Variants in LPGAT1 observed in about 807,000 individuals in gnomAD.
LPGAT1 encodes the protein lysophosphatidylglycerol acyltransferase 1.
A neutral mutation model predicts 47.5 loss-of-function variants in LPGAT1; 11 were observed. The observed-to-expected ratio is 0.23, with a 90% confidence interval of 0.15 to 0.38. The LOEUF (loss-of-function observed/expected upper bound fraction) is 0.38, where lower values mean the gene tolerates loss of function less well. LPGAT1 is among the 10% of genes least tolerant of loss of function. The pLI is 1.00. For synonymous variants in LPGAT1, 138 were observed against 144.2 expected, an observed-to-expected ratio of 0.96 and a Z score of 0.31; for missense variants, 293 against 439.0, an observed-to-expected ratio of 0.67 and a Z score of 2.97.
At chr1:211,756,542 C>T (rs1452568868) in intron 6 of LPGAT1, among the ~76,000 whole-genome samples, 1 of 152,128 alleles carries the variant, frequency 6.6e-6, no homozygotes, top group Non-Finnish European at 1.5e-5. Flanking sequence ...CCATATTGCC[C>T]AGGCTGGTCT....
At chr1:211,787,993 T>C (rs1348300819) in intron 3 of LPGAT1, among the ~76,000 whole-genome samples, 3 of 152,224 alleles carry the variant, frequency 2.0e-5, no homozygotes, top group Non-Finnish European at 4.4e-5. Flanking sequence ...ACTTCTTAAA[T>C]TTGGACTTAA....
intron 2 of LPGAT1, among the ~76,000 whole-genome samples, chr1:211,818,834 T>C (rs1660267016): frequency 6.6e-6 from 1 of 152,180 alleles, no homozygotes; most frequent in South Asian, 2.1e-4. Flanking sequence ...CAAATGGAAA[T>C]AGAGTGGATG....
chr1:211,829,290 T>C lies in LPGAT1; in HGVS notation c.7A>G (p.Ile3Val), dbSNP rs758457059. 8.7e-6 allele frequency: 14 copies of C among 1,614,200 alleles called. No individual in the cohort carries two copies. The Admixed American group carries it at 1.7e-4, about 19-fold the overall frequency. Residue 3 changes from isoleucine (I) to valine (V), a missense_variant, in exon 2 of 8, where the codon ATA becomes GTA. Ile to Val is a conservative substitution (Grantham distance 29, BLOSUM62 3). Transcript: ENST00000366997. MA[I>V]TLEEAPWLGW... The stretch of plus-strand genomic sequence containing the variant: ...AGCCACGGAGCTTCTTCCAAAGTTA[T>C]AGCCATTCTCACACTGGACTCCGTC...
chr1:211,749,671 G>C lies in LPGAT1; in HGVS notation c.*228C>G, dbSNP rs1034840343. On this transcript the variant is annotated 3_prime_UTR_variant, in exon 8 of 8. Coordinates refer to ENST00000366997, the MANE Select transcript of LPGAT1 (RefSeq NM_014873.3). ...GATGTTTGCTTAAATATGTGATAGA[G>C]TGTATCTTTTTAAAACATGTTCTTA... The C allele has an allele frequency of 4.3e-6, 2 of 466,742 alleles. No homozygotes were observed. The highest frequency in any genetic ancestry group is 4.1e-5 in the Admixed American group (1 of 24,288). 28.9% of individuals were successfully genotyped at this position (466,742 alleles called of 1,614,324 possible). A position where few individuals can be genotyped will look rare whatever the true frequency, so the allele number is the denominator to read the frequency against.
Position 211,748,151 on chromosome 1 carries a change from T to A in LPGAT1, c.*1748A>T, listed in dbSNP as rs1558249448. 6.9e-6 allele frequency: 1 copy of A among 145,572 alleles called. No homozygotes were observed. 9.0% of individuals were successfully genotyped at this position (145,572 alleles called of 1,614,324 possible). A position where few individuals can be genotyped will look rare whatever the true frequency, so the allele number is the denominator to read the frequency against. On this transcript the variant is annotated 3_prime_UTR_variant, in exon 8 of 8. Transcript: ENST00000366997. ...TGTTTTATAGCCTACTTCTCAAAAT[T>A]GTTGTGTGATTAGTGACAACGGGGG... is the stretch of plus-strand genomic sequence containing the variant.
chr1:211,791,443 G>C (rs1476070030), intron 3 of LPGAT1, among the ~76,000 whole-genome samples: 2 of 152,116 alleles, frequency 1.3e-5, no homozygotes, highest in Non-Finnish European at 2.9e-5. Flanking sequence ...CTCCACTGAA[G>C]CCATCTCACT....
At chr1:211,814,449 C>T (rs1660101769) in intron 2 of LPGAT1, among the ~76,000 whole-genome samples, 1 of 152,164 alleles carries the variant, frequency 6.6e-6, no homozygotes, top group African/African-American at 2.4e-5. Context: ...AGCAGCCTTA[C>T]TAAAGAGCTT....
intron 6 of LPGAT1, among the ~76,000 whole-genome samples, chr1:211,772,558 G>C (rs939787202): frequency 6.6e-6 from 1 of 152,124 alleles, no homozygotes; most frequent in African/African-American, 2.4e-5. Flanking sequence ...GTGAACACAA[G>C]TATTATCTTT....
At chr1:211,804,718 C>T (rs1659692630) in intron 2 of LPGAT1, among the ~76,000 whole-genome samples, 1 of 152,144 alleles carries the variant, frequency 6.6e-6, no homozygotes, top group Non-Finnish European at 1.5e-5. Flanking sequence ...AGTTAGTTCT[C>T]TAATGTTGGG....
intron 2 of LPGAT1, among the ~76,000 whole-genome samples, chr1:211,821,703 A>G (rs1660374210): frequency 6.6e-6 from 1 of 152,170 alleles, no homozygotes; most frequent in African/African-American, 2.4e-5. Flanking sequence ...GGAAGAAGAG[A>G]AAGGGGAAGA....
At chr1:211,822,540 G>A (rs545717303) in intron 2 of LPGAT1, among the ~76,000 whole-genome samples, 1 of 152,256 alleles carries the variant, frequency 6.6e-6, no homozygotes, top group South Asian at 2.1e-4. Context: ...ACTTTGGGAG[G>A]CTGAGGCAGG....
At chr1:211,788,629 C>T (rs1658984383) in intron 3 of LPGAT1, among the ~76,000 whole-genome samples, 1 of 151,558 alleles carries the variant, frequency 6.6e-6, no homozygotes, top group Non-Finnish European at 1.5e-5. Flanking sequence ...TTGCAGTGAG[C>T]CAAGATCGAG....
chr1:211,780,216 T>A (rs574621291), intron 5 of LPGAT1, among the ~76,000 whole-genome samples: 14 of 152,180 alleles, frequency 9.2e-5, no homozygotes, highest in African/African-American at 3.4e-4. Context: ...AATAAATAAA[T>A]AAAGCAAAAT....
At chr1:211,822,997 G>C (rs913816610) in intron 2 of LPGAT1, among the ~76,000 whole-genome samples, 1 of 152,104 alleles carries the variant, frequency 6.6e-6, no homozygotes, top group Non-Finnish European at 1.5e-5. Context: ...GAAATCTATA[G>C]CTATATTACT....
In LPGAT1 at chr1:211,751,044, G is replaced by A. The variant is rs781678664; in HGVS notation, c.878C>T (p.Pro293Leu). 6 of 1,612,080 alleles carry A rather than the reference G, an allele frequency of 3.7e-6. No individual in the cohort carries two copies. In the South Asian group the frequency reaches 5.5e-5, roughly 15 times the overall value. ...AGTGGTAAGGTCATCAGTCTCCAGG[G>A]GTACATCTTTAATTGGAAAGATCCT... ...HYRIFPIKDV[P>L]LETDDLTTWL... The change falls in exon 7 of 8, where the codon CCC becomes CTC. Residue 293 changes from proline (P) to leucine (L), a missense_variant. Transcript: ENST00000366997.
intron 6 of LPGAT1, among the ~76,000 whole-genome samples, chr1:211,764,571 G>A (rs995021676): frequency 6.6e-6 from 1 of 152,150 alleles, no homozygotes. Flanking sequence ...TCAATTCCCA[G>A]AAGTTTTACT....
intron 2 of LPGAT1, among the ~76,000 whole-genome samples, chr1:211,828,761 T>C (rs2102616064): frequency 6.6e-6 from 1 of 152,236 alleles, no homozygotes; most frequent in South Asian, 2.1e-4. Context: ...AGCTCTCGAG[T>C]CCTATACAAC....
At chr1:211,825,949 GA>G (rs1436045679) in intron 2 of LPGAT1, among the ~76,000 whole-genome samples, 1 of 151,334 alleles carries the variant, frequency 6.6e-6, no homozygotes, top group Non-Finnish European at 1.5e-5. Context: ...AACAGAGCAA[GA>G]CTCCATCTCA....
intron 6 of LPGAT1, among the ~76,000 whole-genome samples, chr1:211,773,441 A>C (rs552075269): frequency 7.2e-5 from 11 of 152,336 alleles, no homozygotes; most frequent in African/African-American, 2.2e-4. Context: ...TTCATACTTG[A>C]ATGCCTTCTC....
Sources: gnomAD v4.1 joint callset for allele counts (sites outside exome capture counted in the v4.1 genomes callset) on GRCh38, gnomAD v4.1.1 for gene constraint, MANE v1.5 for transcripts, NCBI Gene and HGNC (gene_info 2026-07-23, HGNC 2026-07-21) for gene names.